The following ZNRF3 variants were observed in gnomAD, a reference collection of about 807,000 sequenced individuals.
The protein encoded by ZNRF3 is E3 ubiquitin-protein ligase ZNRF3.
ZNRF3 carries 23 observed loss-of-function variants against 72.5 expected under a neutral mutation model. The observed-to-expected ratio is 0.32, with a 90% CI of 0.23 to 0.45. ZNRF3 has a LOEUF of 0.45. Among genes scored for constraint, ZNRF3 ranks in the 20% least tolerant of loss-of-function variants. The pLI is 1.00. For synonymous variants in ZNRF3, 610 were observed against 545.3 expected, an observed-to-expected ratio of 1.12 and a Z score of -1.65; for missense variants, 1,169 against 1,272.1, an observed-to-expected ratio of 0.92 and a Z score of 1.23.
intron 1 of ZNRF3, among the ~76,000 whole-genome samples, chr22:28,903,519 A>G (rs2034148636): frequency 6.6e-6 from 1 of 152,146 alleles, no homozygotes; most frequent in Non-Finnish European, 1.5e-5. Context: ...CAAATTAGAC[A>G]CATTGACTTT....
At chr22:28,890,831 CA>C (rs1417885148) in intron 1 of ZNRF3, among the ~76,000 whole-genome samples, 1 of 151,836 alleles carries the variant, frequency 6.6e-6, no homozygotes, top group African/African-American at 2.4e-5. Context: ...GATCATGGCT[CA>C]GTGTACTCTT....
intron 8 of ZNRF3, 34 bp downstream of exon 8, chr22:29,050,982 G>A (rs2037195693): frequency 1.3e-6 from 2 of 1,496,644 alleles, no homozygotes; most frequent in South Asian, 2.7e-5. Context: ...GTCAGAGCAG[G>A]AGTTTCCATC....
At chr22:29,041,546 AT>A (rs2036962847) in intron 2 of ZNRF3, among the ~76,000 whole-genome samples, 3 of 152,160 alleles carry the variant, frequency 2.0e-5, no homozygotes, top group Admixed American at 1.3e-4. Context: ...CATCCCTCTG[AT>A]CAGTAGTTCC....
chr22:29,008,183 CTG>C (rs923458032), intron 2 of ZNRF3, among the ~76,000 whole-genome samples: 6 of 152,176 alleles, frequency 3.9e-5, no homozygotes, highest in Admixed American at 2.0e-4. Context: ...GTCATCATCA[CTG>C]TGTCTCGTTT....
chr22:28,957,034 C>G (rs1417980754), intron 1 of ZNRF3, among the ~76,000 whole-genome samples: 2 of 152,234 alleles, frequency 1.3e-5, no homozygotes, highest in African/African-American at 4.8e-5. Flanking sequence ...GCCTATTGTG[C>G]AGAATGCAGG....
intron 2 of ZNRF3, among the ~76,000 whole-genome samples, chr22:28,994,766 A>G (rs554678528): frequency 1.3e-3 from 198 of 152,272 alleles, no homozygotes; most frequent in African/African-American, 4.6e-3. Flanking sequence ...TTAAAAAAAC[A>G]ATGGTATTAC....
chr22:28,945,796 G>A (rs1029485881), intron 1 of ZNRF3, among the ~76,000 whole-genome samples: 8 of 151,962 alleles, frequency 5.3e-5, no homozygotes, highest in Non-Finnish European at 7.4e-5. Context: ...CTGAAGTGCT[G>A]GGATTATAGG....
chr22:28,905,690 T>A (rs1049888636), intron 1 of ZNRF3, among the ~76,000 whole-genome samples: 1 of 152,208 alleles, frequency 6.6e-6, no homozygotes, highest in Non-Finnish European at 1.5e-5. Flanking sequence ...CCAGAAGATA[T>A]CATGGCTTCT....
intron 2 of ZNRF3, among the ~76,000 whole-genome samples, chr22:28,987,874 T>C (rs947095805): frequency 1.1e-4 from 17 of 152,118 alleles, no homozygotes; most frequent in African/African-American, 4.1e-4. Flanking sequence ...ACTTACCTCA[T>C]AGGTGGTTAG....
intron 1 of ZNRF3, among the ~76,000 whole-genome samples, chr22:28,884,639 G>T (rs1027515018): frequency 1.3e-5 from 2 of 152,298 alleles, no homozygotes; most frequent in African/African-American, 4.8e-5. Flanking sequence ...GTCGAGGAGT[G>T]GGGATCGGGG....
intron 1 of ZNRF3, among the ~76,000 whole-genome samples, chr22:28,935,367 C>T (rs2034801053): frequency 6.6e-6 from 1 of 152,204 alleles, no homozygotes. Flanking sequence ...ACCCTGGCGC[C>T]CGTGTGGTGA....
intron 2 of ZNRF3, among the ~76,000 whole-genome samples, chr22:29,001,653 A>G (rs1286433173): frequency 6.6e-6 from 1 of 151,822 alleles, no homozygotes; most frequent in Non-Finnish European, 1.5e-5. Flanking sequence ...TTTATTTTTC[A>G]GTAGAGGCGG....
intron 2 of ZNRF3, among the ~76,000 whole-genome samples, chr22:29,013,597 G>A (rs2036382595): frequency 6.6e-6 from 1 of 152,172 alleles, no homozygotes; most frequent in African/African-American, 2.4e-5. Flanking sequence ...TCTTTGCCAA[G>A]TTACAGTTAC....
At chr22:29,008,993 T>C (rs1217429585) in intron 2 of ZNRF3, among the ~76,000 whole-genome samples, 1 of 152,194 alleles carries the variant, frequency 6.6e-6, no homozygotes, top group East Asian at 1.9e-4. Context: ...CCAAACTCTT[T>C]TTTGCTCTGG....
chr22:28,915,666 C>A (rs1280071059), intron 1 of ZNRF3, among the ~76,000 whole-genome samples: 2 of 152,222 alleles, frequency 1.3e-5, no homozygotes, highest in Non-Finnish European at 2.9e-5. Context: ...AAGTGGAATA[C>A]TTTGGACTAC....
rs544676797 is a variant in ZNRF3, at chr22:28,946,433, A to G, written c.301-40643A>G. The stretch of plus-strand genomic sequence containing the variant: ...AAGGAAGTTATATCGCTTAGCAGGA[A>G]CTCAGTACAATAATGTGTCATCCTT... On this transcript the variant is annotated intron_variant, in intron 1 of 8. Transcript: ENST00000544604. 2.0e-5 allele frequency among the ~76,000 whole-genome samples: 3 copies of G among 152,312 alleles called. No individual in the cohort carries two copies. In the South Asian group the frequency reaches 6.2e-4, roughly 32 times the overall value.
At position 28,909,515 on chromosome 22, in the gene ZNRF3, A is replaced by G. The variant is rs192761360; in HGVS notation, c.300+25449A>G. On this transcript the variant is annotated intron_variant, in intron 1 of 8. Coordinates refer to ENST00000544604, the MANE Select transcript of ZNRF3 (RefSeq NM_001206998.2). ...GAGTGACTATGCAAATCAGGTCTGC[A>G]TGCTTATCTTCCTAGAAATGTAGTT... 4.3e-3 allele frequency among the ~76,000 whole-genome samples: 651 copies of G among 152,058 alleles called. 14 individuals carry two copies. Among genetic ancestry groups the G allele is most frequent in the Admixed American group, 0.037 (567 of 15,242 alleles).
At chr22:28,896,994 C>T (rs1390109051) in intron 1 of ZNRF3, among the ~76,000 whole-genome samples, 2 of 152,196 alleles carry the variant, frequency 1.3e-5, no homozygotes, top group Non-Finnish European at 2.9e-5. Flanking sequence ...GACTTGAACT[C>T]TTGGGCTCAA....
rs781403383 is a variant in ZNRF3, at chr22:29,050,421, G to C, written c.2240G>C (p.Gly747Ala). 5 of 1,608,368 alleles carry C rather than the reference G, an allele frequency of 3.1e-6. No individual in the cohort carries two copies. The change falls in exon 8 of 9, where the codon GGT (glycine) becomes GCT (alanine). Residue 747 changes from glycine (G) to alanine (A), a missense_variant. Coordinates refer to ENST00000544604, the MANE Select transcript of ZNRF3 (RefSeq NM_001206998.2). Reference protein sequence around the residue: ...PHLYEGSGPAGGEPQSGSSQG... With the variant: ...PHLYEGSGPAAGEPQSGSSQG... ...CTCTACGAGGGCTCTGGCCCGGCGG[G>C]TGGGGAGCCCCAGTCAGGAAGCTCC...
Sources: allele counts gnomAD v4.1 joint callset (sites outside exome capture counted in the v4.1 genomes callset), GRCh38; gene constraint gnomAD v4.1.1; transcripts MANE v1.5; gene names NCBI Gene and HGNC (gene_info 2026-07-23, HGNC 2026-07-21).